Variants in FHOD3 observed in about 807,000 individuals in gnomAD.
The protein encoded by FHOD3 is FH1/FH2 domain-containing protein 3.
Under a neutral mutation model 173.0 loss-of-function variants are expected in FHOD3, and 90 were observed. That is an observed-to-expected ratio of 0.52 (90% confidence interval 0.44 to 0.62). The LOEUF (loss-of-function observed/expected upper bound fraction) is 0.62. Among genes scored for constraint, FHOD3 ranks in the 20% least tolerant of loss-of-function variants. The pLI is 0.00. For missense variants in FHOD3, 1,945 were observed against 2,034.7 expected, an observed-to-expected ratio of 0.96 and a Z score of 0.85; for synonymous variants, 828 against 823.0, an observed-to-expected ratio of 1.01 and a Z score of -0.10.
intron 2 of FHOD3, among the ~76,000 whole-genome samples, chr18:36,361,884 A>G (rs575826466): frequency 6.6e-6 from 1 of 152,248 alleles, no homozygotes; most frequent in South Asian, 2.1e-4. Flanking sequence ...TGATTTTCAA[A>G]GCTTCCAGGT....
At chr18:36,678,587 T>C (rs554112954) in intron 14 of FHOD3, among the ~76,000 whole-genome samples, 9 of 149,136 alleles carry the variant, frequency 6.0e-5, no homozygotes, top group Admixed American at 2.0e-4. Context: ...ATACTTACTC[T>C]AGTTTTTAAA....
chr18:36,646,924 A>G (rs1420610598), intron 10 of FHOD3, among the ~76,000 whole-genome samples: 1 of 152,250 alleles, frequency 6.6e-6, no homozygotes, highest in Non-Finnish European at 1.5e-5. Context: ...TATAAATGAC[A>G]AAGGGCAAAT....
At chr18:36,442,721 A>C (rs2051224142) in intron 3 of FHOD3, among the ~76,000 whole-genome samples, 1 of 152,224 alleles carries the variant, frequency 6.6e-6, no homozygotes, top group South Asian at 2.1e-4. Flanking sequence ...CAAGCAGTAA[A>C]GTCAAGACAT....
At chr18:36,646,523 T>C (rs2035693375) in intron 10 of FHOD3, among the ~76,000 whole-genome samples, 1 of 152,138 alleles carries the variant, frequency 6.6e-6, no homozygotes, top group African/African-American at 2.4e-5. Flanking sequence ...TGAGAAAAAG[T>C]CCAGAAATCT....
intron 10 of FHOD3, among the ~76,000 whole-genome samples, chr18:36,640,528 T>C (rs2644261): frequency 0.39 from 59,719 of 152,102 alleles, 12,693 homozygotes; most frequent in African/African-American, 0.55. Context: ...AGACCAAGAC[T>C]GGAGGGCCAT....
At chr18:36,530,386 T>G (rs1050830261) in intron 5 of FHOD3, among the ~76,000 whole-genome samples, 2 of 152,146 alleles carry the variant, frequency 1.3e-5, no homozygotes, top group Admixed American at 6.5e-5. Context: ...GTTTCTTTTC[T>G]CTCTACCCCC....
intron 1 of FHOD3, among the ~76,000 whole-genome samples, chr18:36,335,084 C>T (rs9949627): frequency 0.052 from 7,967 of 152,250 alleles, 422 homozygotes; most frequent in African/African-American, 0.13. Context: ...ACATGGCAGT[C>T]GCCTAGGACA....
intron 3 of FHOD3, among the ~76,000 whole-genome samples, chr18:36,459,837 C>G (rs78226452): frequency 0.013 from 2,009 of 152,204 alleles, 45 homozygotes; most frequent in African/African-American, 0.046. Flanking sequence ...TGTCATACTT[C>G]ATTAGATTCC....
chr18:36,661,846 T>G (rs1349024505), intron 14 of FHOD3, among the ~76,000 whole-genome samples: 1 of 152,100 alleles, frequency 6.6e-6, no homozygotes, highest in East Asian at 1.9e-4. Flanking sequence ...GGGCTCTCTT[T>G]TAGAAATAGA....
chr18:36,353,515 C>T (rs1039312450), intron 1 of FHOD3, among the ~76,000 whole-genome samples: 1 of 152,178 alleles, frequency 6.6e-6, no homozygotes, highest in Non-Finnish European at 1.5e-5. Context: ...GATTATCAAG[C>T]ATTCATCTAG....
At chr18:36,712,272 A>G (rs1160013388) in intron 18 of FHOD3, among the ~76,000 whole-genome samples, 2 of 152,236 alleles carry the variant, frequency 1.3e-5, no homozygotes, top group Non-Finnish European at 2.9e-5. Context: ...AAATGCAATA[A>G]ACAGATGCCA....
chr18:36,331,958 C>A (rs1000136867), intron 1 of FHOD3, among the ~76,000 whole-genome samples: 21 of 152,108 alleles, frequency 1.4e-4, no homozygotes, highest in Non-Finnish European at 2.6e-4. Flanking sequence ...GAGGTGATCG[C>A]TGGGCTGTTC....
chr18:36,507,189 G>A (rs1363049866), intron 4 of FHOD3, among the ~76,000 whole-genome samples: 1 of 152,232 alleles, frequency 6.6e-6, no homozygotes, highest in African/African-American at 2.4e-5. Context: ...AGGAGTGGTG[G>A]TGGTGCCAAA....
intron 5 of FHOD3, among the ~76,000 whole-genome samples, chr18:36,513,505 A>T (rs1188007366): frequency 1.3e-5 from 2 of 152,206 alleles, no homozygotes; most frequent in Non-Finnish European, 2.9e-5. Context: ...GAGAAAATAA[A>T]ACTACCAAAA....
intron 9 of FHOD3, among the ~76,000 whole-genome samples, chr18:36,612,480 T>TA (rs1411499261): frequency 6.6e-6 from 1 of 152,126 alleles, no homozygotes; most frequent in African/African-American, 2.4e-5. Context: ...CAGGGCCAGA[T>TA]ACATGATTTG....
intron 3 of FHOD3, among the ~76,000 whole-genome samples, chr18:36,383,814 G>A (rs776951247): frequency 2.2e-4 from 33 of 152,180 alleles, no homozygotes; most frequent in Non-Finnish European, 3.7e-4. Flanking sequence ...GGTCCCATGA[G>A]GAGCATATGA....
chr18:36,375,263 C>T (rs200077735), intron 3 of FHOD3, among the ~76,000 whole-genome samples: 1 of 152,182 alleles, frequency 6.6e-6, no homozygotes, highest in Non-Finnish European at 1.5e-5. Flanking sequence ...ACCTTTTTCA[C>T]ATCTGTTGTT....
intron 3 of FHOD3, among the ~76,000 whole-genome samples, chr18:36,380,614 TTTCC>T (rs2047726817): frequency 6.8e-6 from 1 of 147,512 alleles, no homozygotes; most frequent in Admixed American, 7.0e-5. Context: ...TTTCCTTTCC[TTTCC>T]TTTCCTTTCC....
At chr18:36,319,151 C>G (rs1370578523) in intron 1 of FHOD3, among the ~76,000 whole-genome samples, 1 of 152,002 alleles carries the variant, frequency 6.6e-6, no homozygotes. Flanking sequence ...ATTTTTGCAT[C>G]GATGTTCATC....
Sources: allele counts gnomAD v4.1 joint callset (sites outside exome capture counted in the v4.1 genomes callset), GRCh38; gene constraint gnomAD v4.1.1; transcripts MANE v1.5; gene names NCBI Gene and HGNC (gene_info 2026-07-23, HGNC 2026-07-21).